Variants in GNAQ observed in about 807,000 individuals in gnomAD.
GNAQ encodes G protein subunit alpha q.
A neutral mutation model predicts 43.9 loss-of-function variants in GNAQ; 8 were observed. The observed-to-expected ratio is 0.18, with a 90% CI of 0.11 to 0.33. The LOEUF is 0.33. Ranked by LOEUF, GNAQ falls within the 10% of genes least tolerant of loss-of-function variation. GNAQ has a pLI of 1.00. For missense variants in GNAQ, 158 were observed against 450.8 expected (o/e 0.35, Z 5.88); for synonymous variants, 155 against 170.7 (o/e 0.91, Z 0.71).
chr9:77,903,376 T>C (rs1451071352), intron 2 of GNAQ, among the ~76,000 whole-genome samples: 4 of 152,158 alleles, frequency 2.6e-5, no homozygotes, highest in Non-Finnish European at 5.9e-5. Flanking sequence ...ACCTGAATTG[T>C]ATTTCACCTC....
At position 77,796,827 on chromosome 9, in the gene GNAQ, T is replaced by C. The variant is rs529515235; in HGVS notation, c.605+693A>G. 1.8e-4 allele frequency among the ~76,000 whole-genome samples: 27 copies of C among 152,314 alleles called. 1 individual carries two copies. Among genetic ancestry groups the C allele is most frequent in the African/African-American group, 4.8e-4 (20 of 41,578 alleles). ...TTCTGACACTACTTAATTTCTGTGA[T>C]TGACAGCATCATATGATCATTCATA... On this transcript the variant is annotated intron_variant, in intron 4 of 6. Coordinates refer to ENST00000286548, the MANE Select transcript of GNAQ (RefSeq NM_002072.5).
chr9:78,007,521 A>C (rs1202464515), intron 1 of GNAQ, among the ~76,000 whole-genome samples: 1 of 152,214 alleles, frequency 6.6e-6, no homozygotes, highest in African/African-American at 2.4e-5. Context: ...CATACAAAGA[A>C]GGCTGAAAAA....
At chr9:77,949,128 T>C (rs945158695) in intron 1 of GNAQ, among the ~76,000 whole-genome samples, 2 of 152,156 alleles carry the variant, frequency 1.3e-5, no homozygotes, top group Admixed American at 1.3e-4. Flanking sequence ...ACACTGACAC[T>C]GAGAGGTTAA....
Position 77,851,793 on chromosome 9 carries a change from A to AC in GNAQ, c.322-36024dup, listed in dbSNP as rs140118982. Among the ~76,000 whole-genome samples the AC allele has an allele frequency of 4.9e-3, 752 of 152,124 alleles. 7 individuals carry two copies. The highest frequency in any genetic ancestry group is 0.017 in the African/African-American group (699 of 41,482). On this transcript the variant is annotated intron_variant, in intron 2 of 6. Coordinates refer to ENST00000286548, the MANE Select transcript of GNAQ (RefSeq NM_002072.5). ...TGCTTTACTTCTGCCTGCTGCAAAG[A>AC]CCCCTTTTCTTTACAGTCCATCGTT...
chr9:77,822,071 T>G (rs912855914), intron 2 of GNAQ, among the ~76,000 whole-genome samples: 4 of 152,166 alleles, frequency 2.6e-5, no homozygotes, highest in African/African-American at 9.7e-5. Flanking sequence ...CAGAGGTCTG[T>G]GCTGCAGAAC....
intron 2 of GNAQ, among the ~76,000 whole-genome samples, chr9:77,842,035 TTAATAACTATG>T (rs1827500409): frequency 1.3e-5 from 2 of 152,188 alleles, no homozygotes; most frequent in African/African-American, 4.8e-5. Context: ...TAGAAATTAG[TTAATAACTATG>T]TGACCTAGAA....
intron 2 of GNAQ, among the ~76,000 whole-genome samples, chr9:77,862,614 TA>T (rs1827873012): frequency 6.6e-6 from 1 of 152,166 alleles, no homozygotes; most frequent in African/African-American, 2.4e-5. Context: ...TTTTCCCTCC[TA>T]AACCTCCAGG....
chr9:78,003,940 T>G (rs909503232), intron 1 of GNAQ, among the ~76,000 whole-genome samples: 3 of 151,876 alleles, frequency 2.0e-5, no homozygotes, highest in Non-Finnish European at 2.9e-5. Flanking sequence ...AAGCATAATA[T>G]GCACTAAATG....
intron 2 of GNAQ, among the ~76,000 whole-genome samples, chr9:77,912,661 T>C (rs980138172): frequency 3.3e-5 from 5 of 152,122 alleles, no homozygotes; most frequent in African/African-American, 1.2e-4. Flanking sequence ...ATGTCCTTAA[T>C]ATAAAAGGAA....
chr9:77,911,391 T>G (rs1342798543), intron 2 of GNAQ, among the ~76,000 whole-genome samples: 1 of 152,192 alleles, frequency 6.6e-6, no homozygotes, highest in Non-Finnish European at 1.5e-5. Flanking sequence ...ATGTTTACAG[T>G]TGCACCTGTG....
intron 5 of GNAQ, among the ~76,000 whole-genome samples, chr9:77,768,256 A>G (rs969210882): frequency 6.6e-6 from 1 of 152,200 alleles, no homozygotes; most frequent in Non-Finnish European, 1.5e-5. Context: ...TAAAACTGCT[A>G]ATGGGAAGTT....
At chr9:77,936,153 C>T (rs11145620) in intron 1 of GNAQ, among the ~76,000 whole-genome samples, 43,000 of 151,974 alleles carry the variant, frequency 0.28, 6,196 homozygotes, top group South Asian at 0.43. Flanking sequence ...GCCTGAAAAA[C>T]GAGGAAGTGA....
At chr9:77,762,294 A>G (rs1216183568) in intron 5 of GNAQ, among the ~76,000 whole-genome samples, 3 of 118,118 alleles carry the variant, frequency 2.5e-5, no homozygotes, top group African/African-American at 6.6e-5. Flanking sequence ...TCCGGGAGGG[A>G]GGTGGGGGGG....
intron 1 of GNAQ, among the ~76,000 whole-genome samples, chr9:77,977,565 T>C (rs1014578549): frequency 6.6e-6 from 1 of 152,116 alleles, no homozygotes; most frequent in African/African-American, 2.4e-5. Flanking sequence ...GTCAGTGCCC[T>C]GAAGCTCAGC....
intron 2 of GNAQ, among the ~76,000 whole-genome samples, chr9:77,853,717 C>G (rs939732267): frequency 1.5e-5 from 2 of 137,520 alleles, no homozygotes; most frequent in African/African-American, 5.4e-5. Context: ...AGCGGCTACT[C>G]CTGTGTGTCC....
intron 1 of GNAQ, among the ~76,000 whole-genome samples, chr9:77,929,699 G>A (rs1420474607): frequency 1.3e-5 from 2 of 152,070 alleles, no homozygotes; most frequent in East Asian, 3.9e-4. Context: ...GCCCGGTGTG[G>A]TGATGTGCGC....
intron 5 of GNAQ, among the ~76,000 whole-genome samples, chr9:77,777,645 CACAAG>C (rs1826324129): frequency 6.6e-6 from 1 of 151,898 alleles, no homozygotes; most frequent in East Asian, 1.9e-4. Flanking sequence ...ACAATAAAAA[CACAAG>C]TCTATTAAAA....
intron 2 of GNAQ, among the ~76,000 whole-genome samples, chr9:77,893,613 T>A (rs1430247084): frequency 1.3e-5 from 2 of 152,206 alleles, no homozygotes; most frequent in Non-Finnish European, 2.9e-5. Context: ...CTTTACTCTA[T>A]GGACTCACTC....
At chr9:77,761,546 T>TG (rs1300624822) in intron 5 of GNAQ, among the ~76,000 whole-genome samples, 38 of 94,880 alleles carry the variant, frequency 4.0e-4, no homozygotes, top group Middle Eastern at 9.4e-3. Context: ...GGGAGGGAGG[T>TG]GGGGGGGTCA....
Sources: allele counts gnomAD v4.1 joint callset (sites outside exome capture counted in the v4.1 genomes callset), GRCh38; gene constraint gnomAD v4.1.1; transcripts MANE v1.5; gene names NCBI Gene and HGNC (gene_info 2026-07-23, HGNC 2026-07-21).